Variants in NEDD4L observed in about 807,000 individuals in gnomAD.
The protein encoded by NEDD4L is NEDD4 like E3 ubiquitin protein ligase, also known as E3 ubiquitin-protein ligase NEDD4-like.
Under a neutral mutation model 148.9 loss-of-function variants are expected in NEDD4L, and 54 were observed. That is an observed-to-expected ratio of 0.36 (90% CI 0.29 to 0.45). NEDD4L has a LOEUF of 0.45. NEDD4L is among the 20% of genes least tolerant of loss of function. The pLI, the probability that NEDD4L is intolerant of heterozygous loss-of-function variation, is 1.00. For missense variants in NEDD4L, 856 were observed against 1,233.8 expected, an observed-to-expected ratio of 0.69 and a Z score of 4.59; for synonymous variants, 433 against 440.7, an observed-to-expected ratio of 0.98 and a Z score of 0.22.
At chr18:58,141,750 TA>T (rs2033532888) in intron 1 of NEDD4L, among the ~76,000 whole-genome samples, 2 of 152,220 alleles carry the variant, frequency 1.3e-5, no homozygotes, top group African/African-American at 4.8e-5. Context: ...TGAATGTAGC[TA>T]AAAGGAATAT....
At chr18:58,271,743 G>C (rs1297475756) in intron 5 of NEDD4L, among the ~76,000 whole-genome samples, 1 of 152,190 alleles carries the variant, frequency 6.6e-6, no homozygotes, top group Non-Finnish European at 1.5e-5. Context: ...CTACTGAGTA[G>C]AAGAAAAGTC....
chr18:58,159,800 G>A (rs1859226182), intron 1 of NEDD4L, among the ~76,000 whole-genome samples: 1 of 152,240 alleles, frequency 6.6e-6, no homozygotes, highest in African/African-American at 2.4e-5. Flanking sequence ...GCCTGCAAAT[G>A]TGATGGGTAA....
At chr18:58,177,134 T>C (rs1396411045) in intron 2 of NEDD4L, among the ~76,000 whole-genome samples, 2 of 152,102 alleles carry the variant, frequency 1.3e-5, no homozygotes, top group African/African-American at 4.8e-5. Flanking sequence ...CGCCGGCCCC[T>C]CCTCATTCCT....
chr18:58,361,154 T>A (rs1243240044), intron 19 of NEDD4L, among the ~76,000 whole-genome samples: 2 of 152,194 alleles, frequency 1.3e-5, no homozygotes, highest in African/African-American at 2.4e-5. Flanking sequence ...CCCAAGCCCC[T>A]ATGTCTAGGT....
chr18:58,185,208 G>A (rs544369248), intron 2 of NEDD4L, among the ~76,000 whole-genome samples: 86 of 152,232 alleles, frequency 5.6e-4, no homozygotes, highest in African/African-American at 2.0e-3. Flanking sequence ...TCGGACCGTG[G>A]GAGCTGGATT....
chr18:58,390,751 G>A lies in NEDD4L; in HGVS notation c.2752+9G>A. On this transcript the variant is annotated intron_variant, in intron 29 of 30. Coordinates refer to ENST00000400345, the MANE Select transcript of NEDD4L (RefSeq NM_001144967.3). Reference sequence around the variant, plus strand: ...ATTTGCCGAACTTTATGGTGAGCAGGATACCATTGGATTCAGTTGTCCTCC... The same window carrying A: ...ATTTGCCGAACTTTATGGTGAGCAGAATACCATTGGATTCAGTTGTCCTCC... 3 of 1,560,632 alleles carry A rather than the reference G, an allele frequency of 1.9e-6. No homozygotes were observed. The highest frequency in any genetic ancestry group is 2.6e-6 in the Non-Finnish European group (3 of 1,144,086).
chr18:58,360,599 A>G (rs763800830), intron 19 of NEDD4L, among the ~76,000 whole-genome samples: 8 of 151,822 alleles, frequency 5.3e-5, no homozygotes, highest in Non-Finnish European at 7.4e-5. Context: ...TGATGCTTTC[A>G]TCTGCTTATT....
At chr18:58,209,041 A>C (rs2042245133) in intron 2 of NEDD4L, among the ~76,000 whole-genome samples, 1 of 151,892 alleles carries the variant, frequency 6.6e-6, no homozygotes, top group Admixed American at 6.6e-5. Flanking sequence ...CTGAATATGA[A>C]CCCAAACATG....
chr18:58,206,961 T>A (rs1043879909), intron 2 of NEDD4L, among the ~76,000 whole-genome samples: 3 of 152,236 alleles, frequency 2.0e-5, no homozygotes, highest in African/African-American at 7.2e-5. Flanking sequence ...ACCCATCCTG[T>A]GCACAAGGAA....
chr18:58,134,732 C>A (rs575694762), intron 1 of NEDD4L, among the ~76,000 whole-genome samples: 23 of 149,280 alleles, frequency 1.5e-4, no homozygotes, highest in African/African-American at 5.7e-4. Context: ...TCTATTTTTT[C>A]TTTTAATCTT....
At chr18:58,063,557 G>T (rs948726978) in intron 1 of NEDD4L, among the ~76,000 whole-genome samples, 1 of 145,372 alleles carries the variant, frequency 6.9e-6, no homozygotes, top group Non-Finnish European at 1.5e-5. Context: ...AATTAGTCAC[G>T]AGATAGTACA....
intron 1 of NEDD4L, among the ~76,000 whole-genome samples, chr18:58,133,523 A>G (rs1052122749): frequency 6.6e-6 from 1 of 152,238 alleles, no homozygotes; most frequent in African/African-American, 2.4e-5. Context: ...CTTTGCATTA[A>G]TGAGTTTGTG....
At chr18:58,050,352 C>T (rs2081810720) in intron 1 of NEDD4L, among the ~76,000 whole-genome samples, 1 of 151,968 alleles carries the variant, frequency 6.6e-6, no homozygotes, top group African/African-American at 2.4e-5. Context: ...CACCTGTAAT[C>T]CCAGCTACTC....
chr18:58,234,818 G>A (rs2045814792), intron 2 of NEDD4L, among the ~76,000 whole-genome samples: 2 of 152,128 alleles, frequency 1.3e-5, no homozygotes, highest in South Asian at 2.1e-4. Context: ...GGCTTTCCTG[G>A]TACCCCTGGG....
At chr18:58,069,791 A>C (rs2082776084) in intron 1 of NEDD4L, among the ~76,000 whole-genome samples, 1 of 152,238 alleles carries the variant, frequency 6.6e-6, no homozygotes, top group Non-Finnish European at 1.5e-5. Context: ...TTTCAGAACC[A>C]TGGAAATTAG....
chr18:58,107,492 CAG>C (rs2085135114), intron 1 of NEDD4L, among the ~76,000 whole-genome samples: 1 of 152,088 alleles, frequency 6.6e-6, no homozygotes, highest in African/African-American at 2.4e-5. Flanking sequence ...CCGAGGCTGG[CAG>C]ATCACTTGAG....
At chr18:58,188,464 A>G (rs2039718480) in intron 2 of NEDD4L, among the ~76,000 whole-genome samples, 1 of 152,080 alleles carries the variant, frequency 6.6e-6, no homozygotes, top group Non-Finnish European at 1.5e-5. Flanking sequence ...CAGACTGGGA[A>G]ACAGAGTCTG....
At chr18:58,182,816 A>G (rs982732832) in intron 2 of NEDD4L, among the ~76,000 whole-genome samples, 1 of 152,100 alleles carries the variant, frequency 6.6e-6, no homozygotes, top group Non-Finnish European at 1.5e-5. Flanking sequence ...CTGCCCCTGT[A>G]GTGTTCTATG....
chr18:58,177,361 G>A (rs2038292104), intron 2 of NEDD4L, among the ~76,000 whole-genome samples: 1 of 152,202 alleles, frequency 6.6e-6, no homozygotes, highest in African/African-American at 2.4e-5. Context: ...TTCTGAATGT[G>A]TAAGACAATG....
Sources: allele counts gnomAD v4.1 joint callset (sites outside exome capture counted in the v4.1 genomes callset), GRCh38; gene constraint gnomAD v4.1.1; transcripts MANE v1.5; gene names NCBI Gene and HGNC (gene_info 2026-07-23, HGNC 2026-07-21).